ZNF385D: variants seen among roughly 807,000 people sequenced by gnomAD.
ZNF385D encodes the protein zinc finger protein 659.
Under a neutral mutation model 35.8 loss-of-function variants are expected in ZNF385D, and 15 were observed. That is an observed-to-expected ratio of 0.42 (90% CI 0.28 to 0.64). The LOEUF is 0.64. ZNF385D is among the 30% of genes least tolerant of loss of function. The probability of loss-of-function intolerance (pLI) is 0.23; values close to 1 mark genes in which losing one functional copy is unlikely to be tolerated. For missense variants in ZNF385D, 474 were observed against 494.6 expected, an observed-to-expected ratio of 0.96 and a Z score of 0.39; for synonymous variants, 212 against 186.8, an observed-to-expected ratio of 1.13 and a Z score of -1.10.
At chr3:21,593,605 A>G (rs888905267) in intron 2 of ZNF385D, among the ~76,000 whole-genome samples, 1 of 152,130 alleles carries the variant, frequency 6.6e-6, no homozygotes, top group Non-Finnish European at 1.5e-5. Flanking sequence ...ACCTTACTCA[A>G]ACATATGTGT....
intron 3 of ZNF385D, chr3:21,511,823 A>ATTTT (rs71976575): frequency 3.0e-5 from 12 of 406,356 alleles, no homozygotes; most frequent in African/African-American, 2.4e-4. Flanking sequence ...TCCTAAGAGC[A>ATTTT]TTTTTTTTTT....
At chr3:21,575,836 A>G (rs527631386) in intron 2 of ZNF385D, among the ~76,000 whole-genome samples, 29 of 152,318 alleles carry the variant, frequency 1.9e-4, no homozygotes, top group African/African-American at 4.8e-4. Context: ...ACACTTATCA[A>G]GGGCTCAGTA....
At chr3:22,079,577 G>A (rs9812708) in intron 3 of ZNF385D, among the ~76,000 whole-genome samples, 1 of 151,694 alleles carries the variant, frequency 6.6e-6, no homozygotes, top group Non-Finnish European at 1.5e-5. Context: ...CGCAAAGCAG[G>A]TCAGAGCTTT....
rs948151026 is a variant in ZNF385D at position 21,846,101 on chromosome 3, T to C, written c.326-181073A>G. On this transcript the variant is annotated intron_variant, in intron 3 of 5. Transcript: ENST00000494108. ...GCTGTGTCCATCGGGGTCACAGGAG[T>C]TGGAAAAATAATTGCAATTACATAT... 3.3e-5 allele frequency among the ~76,000 whole-genome samples: 5 copies of C among 151,748 alleles called. No homozygotes were observed. In the South Asian group the frequency reaches 8.3e-4, roughly 25 times the overall value.
At chr3:21,479,979 T>G (rs1019764200) in intron 4 of ZNF385D, among the ~76,000 whole-genome samples, 5 of 152,178 alleles carry the variant, frequency 3.3e-5, no homozygotes, top group African/African-American at 1.2e-4. Flanking sequence ...AGATTAGAAC[T>G]ATCTGCTTTT....
intron 2 of ZNF385D, among the ~76,000 whole-genome samples, chr3:21,655,375 G>A (rs1010030365): frequency 6.6e-6 from 1 of 151,932 alleles, no homozygotes; most frequent in Admixed American, 6.6e-5. Context: ...TCTTATGTAT[G>A]CCCTATAGTA....
chr3:22,186,901 A>T (rs149992708), intron 2 of ZNF385D, among the ~76,000 whole-genome samples: 266 of 152,300 alleles, frequency 1.7e-3, no homozygotes, highest in African/African-American at 6.1e-3. Flanking sequence ...CACTTAAATA[A>T]TGTTACTAAC....
intron 2 of ZNF385D, among the ~76,000 whole-genome samples, chr3:22,214,076 C>T (rs1267339123): frequency 2.6e-5 from 4 of 151,936 alleles, no homozygotes; most frequent in Admixed American, 6.6e-5. Context: ...GGACTTCGAA[C>T]GGAGGGACTG....
At chr3:22,030,407 A>T (rs1697923025) in intron 3 of ZNF385D, among the ~76,000 whole-genome samples, 1 of 149,782 alleles carries the variant, frequency 6.7e-6, no homozygotes, top group African/African-American at 2.5e-5. Flanking sequence ...TCATGGTGAA[A>T]GTCAAGGGAT....
chr3:21,788,804 T>C (rs1430034298), intron 3 of ZNF385D, among the ~76,000 whole-genome samples: 1 of 152,148 alleles, frequency 6.6e-6, no homozygotes, highest in African/African-American at 2.4e-5. Context: ...GACACAGGAA[T>C]CTTGGGATCC....
intron 2 of ZNF385D, among the ~76,000 whole-genome samples, chr3:22,234,032 A>G (rs922396833): frequency 6.6e-6 from 1 of 152,164 alleles, no homozygotes; most frequent in Non-Finnish European, 1.5e-5. Context: ...ATCTGAAGCC[A>G]GCTAAAATCT....
At chr3:21,549,032 A>T (rs543491652) in intron 3 of ZNF385D, among the ~76,000 whole-genome samples, 1 of 152,336 alleles carries the variant, frequency 6.6e-6, no homozygotes, top group Non-Finnish European at 1.5e-5. Flanking sequence ...CCCCTTGTTT[A>T]TTGGAGGTTA....
intron 2 of ZNF385D, among the ~76,000 whole-genome samples, chr3:22,297,249 T>C (rs1015469425): frequency 3.9e-5 from 6 of 151,996 alleles, no homozygotes; most frequent in Non-Finnish European, 8.8e-5. Flanking sequence ...ATCCCCCCAA[T>C]AGGACCTATC....
chr3:22,113,192 T>C (rs1702630620), intron 3 of ZNF385D, among the ~76,000 whole-genome samples: 1 of 152,094 alleles, frequency 6.6e-6, no homozygotes, highest in African/African-American at 2.4e-5. Flanking sequence ...CTATGGGCCT[T>C]TGCAGTTCAA....
intron 2 of ZNF385D, among the ~76,000 whole-genome samples, chr3:22,290,832 G>T (rs533716495): frequency 1.1e-4 from 17 of 152,152 alleles, no homozygotes; most frequent in Non-Finnish European, 2.2e-4. Flanking sequence ...ATTCCATGTT[G>T]CTGATGTCAT....
chr3:22,182,450 A>C (rs1357118072), intron 2 of ZNF385D, among the ~76,000 whole-genome samples: 1 of 152,142 alleles, frequency 6.6e-6, no homozygotes, highest in East Asian at 1.9e-4. Context: ...TGACAGACAT[A>C]ACTAATCAAT....
chr3:21,469,747 G>T (rs1703764205), intron 4 of ZNF385D, among the ~76,000 whole-genome samples: 1 of 151,760 alleles, frequency 6.6e-6, no homozygotes, highest in African/African-American at 2.4e-5. Context: ...ATTGGGCATG[G>T]GAATGACCAC....
rs571419917 is a variant in ZNF385D at position 21,435,251 on chromosome 3, C to G, written c.673+1719G>C. Among the ~76,000 whole-genome samples, 143 of 133,006 alleles carry G rather than the reference C, an allele frequency of 1.1e-3. 1 individual carries two copies. The highest frequency in any genetic ancestry group is 3.9e-3 in the African/African-American group (136 of 34,992). The allele number at this position is 133,006 out of a possible 152,430, so 87.3% of individuals were successfully genotyped here. A position where few individuals can be genotyped will look rare whatever the true frequency, so the allele number is the denominator to read the frequency against. On this transcript the variant is annotated intron_variant, in intron 5 of 7. Coordinates refer to ENST00000281523, the MANE Select transcript of ZNF385D (RefSeq NM_024697.3). ...TAATAAGAATTCAAGAAGAACAACT[C>G]CCAATTTTTTTTTTTTTTTTTTTTT...
intron 3 of ZNF385D, among the ~76,000 whole-genome samples, chr3:21,559,583 G>T (rs2062865968): frequency 6.6e-6 from 1 of 152,116 alleles, no homozygotes; most frequent in South Asian, 2.1e-4. Flanking sequence ...CTCCCTGTCT[G>T]CCCTTCACAT....
Sources: gnomAD v4.1 joint callset for allele counts (sites outside exome capture counted in the v4.1 genomes callset) on GRCh38, gnomAD v4.1.1 for gene constraint, MANE v1.5 for transcripts, NCBI Gene and HGNC (gene_info 2026-07-23, HGNC 2026-07-21) for gene names.